Variants in GAS7 observed in about 807,000 individuals in gnomAD.
GAS7 encodes growth arrest specific 7, also known as growth arrest-specific protein 7.
A neutral mutation model predicts 71.1 loss-of-function variants in GAS7; 28 were observed. That is an observed-to-expected ratio of 0.39 (90% CI 0.29 to 0.54). GAS7 has a LOEUF of 0.54. Ranked by LOEUF, GAS7 falls within the 20% of genes least tolerant of loss-of-function variation. The pLI is 0.62. For synonymous variants in GAS7, 258 were observed against 245.8 expected (o/e 1.05, Z -0.46); for missense variants, 436 against 627.8 (o/e 0.69, Z 3.27).
chr17:10,181,334 T>C (rs927866495), intron 1 of GAS7, among the ~76,000 whole-genome samples: 3 of 147,514 alleles, frequency 2.0e-5, no homozygotes, highest in Non-Finnish European at 4.4e-5. Flanking sequence ...CACTCCAGCC[T>C]GGGTGACAGA....
intron 9 of GAS7, among the ~76,000 whole-genome samples, chr17:9,927,290 T>TACACACACACACACACACAC (rs371084335): frequency 1.0e-4 from 12 of 116,890 alleles, no homozygotes; most frequent in East Asian, 2.4e-4. Flanking sequence ...CTCTACTACA[T>TACACACACACACACACACAC]ACACACACAC....
intron 1 of GAS7, among the ~76,000 whole-genome samples, chr17:10,133,188 A>C (rs545086805): frequency 7.4e-5 from 11 of 149,332 alleles, no homozygotes; most frequent in Admixed American, 4.0e-4. Context: ...GTGCAGTGGC[A>C]CTCAGCTCAC....
chr17:9,940,674 C>A (rs187432029), intron 7 of GAS7, among the ~76,000 whole-genome samples: 30 of 152,314 alleles, frequency 2.0e-4, no homozygotes, highest in Admixed American at 7.8e-4. Context: ...TGTCTCACAC[C>A]CCCAATGCCT....
At chr17:10,102,215 A>G (rs2152261598) in intron 1 of GAS7, among the ~76,000 whole-genome samples, 1 of 150,470 alleles carries the variant, frequency 6.6e-6, no homozygotes, top group East Asian at 1.9e-4. Flanking sequence ...TAAAAAAAAA[A>G]AAAAAAAAAA....
At chr17:10,009,629 G>A (rs1233108189) in intron 2 of GAS7, among the ~76,000 whole-genome samples, 14 of 148,512 alleles carry the variant, frequency 9.4e-5, no homozygotes, top group South Asian at 2.1e-4. Context: ...GCTTGAGCCC[G>A]GAGTTCAAGA....
At chr17:9,994,215 A>G (rs1465995536) in intron 2 of GAS7, among the ~76,000 whole-genome samples, 9 of 151,166 alleles carry the variant, frequency 6.0e-5, no homozygotes, top group Admixed American at 5.9e-4. Flanking sequence ...AAGAGCCCAC[A>G]TCGCCAAGTC....
chr17:9,999,443 G>C (rs2071176988), intron 2 of GAS7, among the ~76,000 whole-genome samples: 1 of 152,036 alleles, frequency 6.6e-6, no homozygotes, highest in Non-Finnish European at 1.5e-5. Context: ...GCTTGAACTG[G>C]GGAGGCAGAG....
rs1856911003 is a variant in GAS7, at chr17:9,974,700, G to C, written c.386-4938C>G. Among the ~76,000 whole-genome samples, 1 of 152,126 alleles carries C rather than the reference G, an allele frequency of 6.6e-6. No homozygotes were observed. The highest frequency in any genetic ancestry group is 1.5e-5 in the Non-Finnish European group (1 of 68,020). The stretch of plus-strand genomic sequence containing the variant: ...AGGGCTTAGGAGGTGTCTAATGAGA[G>C]GAGGGGACAGATATTTGGGTAGAAA... On this transcript the variant is annotated intron_variant, in intron 3 of 13. Transcript: ENST00000432992. The surrounding 1 kb of genome is among the most constrained non-coding windows in gnomAD (Gnocchi z 4.0).
At chr17:10,167,057 T>A (rs985645339) in intron 1 of GAS7, among the ~76,000 whole-genome samples, 1 of 111,238 alleles carries the variant, frequency 9.0e-6, no homozygotes, top group Non-Finnish European at 1.9e-5. Context: ...TTTTTTTTTT[T>A]TTTTTTTTTT....
At chr17:10,033,987 C>A (rs1277717007) in intron 1 of GAS7, 1 of 278,860 alleles carries the variant, frequency 3.6e-6, no homozygotes, top group Admixed American at 6.5e-5. Flanking sequence ...TTCCAAGACT[C>A]AGTAAGGGGT....
At chr17:10,052,826 C>A (rs1445323832) in intron 1 of GAS7, among the ~76,000 whole-genome samples, 1 of 152,158 alleles carries the variant, frequency 6.6e-6, no homozygotes, top group Admixed American at 6.5e-5. Context: ...CCTGCCCCTG[C>A]CCAGCTTCTC....
At chr17:10,116,593 C>A (rs1463896871) in intron 1 of GAS7, among the ~76,000 whole-genome samples, 1 of 152,030 alleles carries the variant, frequency 6.6e-6, no homozygotes. Context: ...AGAGCTCTTG[C>A]GGGTAGGGAG....
At chr17:10,011,764 G>C (rs1371360022) in intron 2 of GAS7, among the ~76,000 whole-genome samples, 8 of 152,132 alleles carry the variant, frequency 5.3e-5, no homozygotes, top group Non-Finnish European at 8.8e-5. Context: ...ATCACCTGAG[G>C]TCGGAAGTTC....
chr17:10,074,316 A>G (rs74885607), intron 1 of GAS7, among the ~76,000 whole-genome samples: 2,047 of 152,288 alleles, frequency 0.013, 23 homozygotes, highest in Non-Finnish European at 0.02. Context: ...TTGCATTTAT[A>G]GAGTCTATTT....
At chr17:10,116,090 C>G (rs540356701) in intron 1 of GAS7, among the ~76,000 whole-genome samples, 52 of 152,298 alleles carry the variant, frequency 3.4e-4, no homozygotes, top group African/African-American at 1.2e-3. Flanking sequence ...GGAAGTGAAT[C>G]ATTTGAAGTC....
chr17:10,076,097 G>A (rs62065849), intron 1 of GAS7, among the ~76,000 whole-genome samples: 33,175 of 138,080 alleles, frequency 0.24, 4,529 homozygotes, highest in Non-Finnish European at 0.3. Flanking sequence ...AGAGGGAAGG[G>A]AAAGTGGAGG....
intron 1 of GAS7, among the ~76,000 whole-genome samples, chr17:10,106,522 T>G (rs1038747245): frequency 7.2e-5 from 11 of 152,232 alleles, no homozygotes; most frequent in Non-Finnish European, 1.5e-4. Flanking sequence ...AGTCTGAATC[T>G]CTGTACTTTT....
rs72807381 is a variant in GAS7, at chr17:9,997,913, C to T, written c.305-16029G>A. 1.6e-4 allele frequency among the ~76,000 whole-genome samples: 24 copies of T among 152,344 alleles called. No individual in the cohort carries two copies. The Middle Eastern group carries it at 0.01, about 65-fold the overall frequency. ...CAGGGATGGGGGAAGGGGCACAGGG[C>T]TTCCATGCCCTCTCCTGGCACCACT... On this transcript the variant is annotated intron_variant, in intron 2 of 13. Transcript: ENST00000432992.
chr17:10,143,721 G>A (rs2074101127), intron 1 of GAS7, among the ~76,000 whole-genome samples: 2 of 152,144 alleles, frequency 1.3e-5, no homozygotes, highest in Admixed American at 6.5e-5. Flanking sequence ...CAAGAAGAGC[G>A]ACCTCAGAAG....
Sources: allele counts gnomAD v4.1 joint callset (sites outside exome capture counted in the v4.1 genomes callset), GRCh38; gene constraint gnomAD v4.1.1; non-coding constraint Gnocchi (gnomAD v3.1); transcripts MANE v1.5; gene names NCBI Gene and HGNC (gene_info 2026-07-23, HGNC 2026-07-21).